Variants in RBFOX1 observed in about 807,000 individuals in gnomAD.
RBFOX1 encodes RNA binding protein fox-1 homolog 1.
A neutral mutation model predicts 57.7 loss-of-function variants in RBFOX1; 8 were observed. The ratio of observed to expected loss-of-function variants is 0.14; its 90% CI spans 0.08 to 0.25. The LOEUF (loss-of-function observed/expected upper bound fraction) is 0.25. Ranked by LOEUF, RBFOX1 falls within the 10% of genes least tolerant of loss-of-function variation. The pLI is 1.00. For missense variants in RBFOX1, 611 were observed against 548.5 expected, an observed-to-expected ratio of 1.11 and a Z score of -1.14; for synonymous variants, 326 against 222.4, an observed-to-expected ratio of 1.47 and a Z score of -4.15.
In RBFOX1 at chr16:6,921,645, ATTT is replaced by A. The variant is rs372298051; in HGVS notation, c.-15-130403_-15-130401del. ...TTACTGTATATATATATATATATAT[ATTT>A]TTTTTTTTCTTAGGGTTGCTTTCAA... On this transcript the variant is annotated intron_variant, in intron 3 of 15. Coordinates refer to ENST00000550418, the MANE Select transcript of RBFOX1 (RefSeq NM_018723.4). Among the ~76,000 whole-genome samples, 3 of 55,268 alleles carry A rather than the reference ATTT, an allele frequency of 5.4e-5. No individual in the cohort carries two copies. In the South Asian group the frequency reaches 1.8e-3, roughly 33 times the overall value. 36.3% of individuals were successfully genotyped at this position (55,268 alleles called of 152,430 possible).
intron 1 of RBFOX1, among the ~76,000 whole-genome samples, chr16:6,039,809 C>G (rs1396250243): frequency 6.6e-6 from 1 of 152,200 alleles, no homozygotes; most frequent in Non-Finnish European, 1.5e-5. Context: ...GAGGTCTCTC[C>G]TGATGTTGCA....
At chr16:6,496,463 G>A (rs1335965930) in intron 2 of RBFOX1, among the ~76,000 whole-genome samples, 2 of 152,142 alleles carry the variant, frequency 1.3e-5, no homozygotes, top group African/African-American at 2.4e-5. Flanking sequence ...ACTTTTAATA[G>A]CCGTGTTGTG....
intron 5 of RBFOX1, among the ~76,000 whole-genome samples, chr16:7,569,533 C>A (rs887487969): frequency 2.0e-5 from 3 of 152,210 alleles, no homozygotes; most frequent in Non-Finnish European, 4.4e-5. Flanking sequence ...AGGGCCCACA[C>A]AGGTAATCCA....
intron 3 of RBFOX1, among the ~76,000 whole-genome samples, chr16:6,951,491 G>T (rs1055453815): frequency 2.0e-5 from 3 of 152,118 alleles, no homozygotes; most frequent in Admixed American, 6.5e-5. Context: ...TGAGTCTGGG[G>T]TGGTTTTTTA....
chr16:5,554,603 C>G (rs956298443), intron 2 of RBFOX1, among the ~76,000 whole-genome samples: 1 of 152,046 alleles, frequency 6.6e-6, no homozygotes, highest in Non-Finnish European at 1.5e-5. Flanking sequence ...CAATGTCCAT[C>G]TTGGGGCCAA....
intron 2 of RBFOX1, among the ~76,000 whole-genome samples, chr16:6,471,937 CA>C (rs2095184528): frequency 6.6e-6 from 1 of 152,192 alleles, no homozygotes; most frequent in South Asian, 2.1e-4. Flanking sequence ...GCCAAGGCAA[CA>C]ACTTCCCCCG....
intron 3 of RBFOX1, among the ~76,000 whole-genome samples, chr16:6,696,589 T>C (rs1312067043): frequency 1.3e-5 from 2 of 152,222 alleles, no homozygotes; most frequent in Non-Finnish European, 2.9e-5. Flanking sequence ...AGCTTTCTCA[T>C]TCATAAATGA....
At chr16:5,863,253 A>C (rs2057268113) in intron 3 of RBFOX1, among the ~76,000 whole-genome samples, 1 of 152,216 alleles carries the variant, frequency 6.6e-6, no homozygotes, top group Non-Finnish European at 1.5e-5. Flanking sequence ...GAAATGATTA[A>C]AGGGATGGGA....
intron 2 of RBFOX1, among the ~76,000 whole-genome samples, chr16:5,544,320 T>C (rs1479338611): frequency 5.9e-5 from 9 of 152,180 alleles, no homozygotes. Flanking sequence ...ACATGTTAAG[T>C]AACTCATGCA....
chr16:5,714,778 A>T (rs984823068), intron 3 of RBFOX1, among the ~76,000 whole-genome samples: 2 of 152,240 alleles, frequency 1.3e-5, no homozygotes, highest in Non-Finnish European at 1.5e-5. Flanking sequence ...CACTATAATC[A>T]TATCAGCCTC....
chr16:7,249,249 C>T (rs940874591), intron 4 of RBFOX1, among the ~76,000 whole-genome samples: 3 of 152,042 alleles, frequency 2.0e-5, no homozygotes, highest in South Asian at 2.1e-4. Context: ...CCTCTTTTTT[C>T]CCTTCTCTTC....
chr16:6,579,355 C>T (rs987409022), intron 2 of RBFOX1, among the ~76,000 whole-genome samples: 71 of 152,136 alleles, frequency 4.7e-4, no homozygotes, highest in African/African-American at 1.6e-3. Context: ...ATGCATGCAC[C>T]ACCACACCTG....
intron 2 of RBFOX1, among the ~76,000 whole-genome samples, chr16:6,386,492 G>C (rs1372994999): frequency 2.0e-5 from 3 of 152,100 alleles, no homozygotes; most frequent in Non-Finnish European, 2.9e-5. Flanking sequence ...CCGATGCTGG[G>C]GATACACCAA....
chr16:5,455,003 CTT>C (rs2068581245), intron 1 of RBFOX1, among the ~76,000 whole-genome samples: 1 of 106,930 alleles, frequency 9.4e-6, no homozygotes, highest in Non-Finnish European at 2.0e-5. Flanking sequence ...TTCTTTCTTT[CTT>C]TCTTTCTTTC....
intron 1 of RBFOX1, among the ~76,000 whole-genome samples, chr16:6,192,365 G>A (rs2097147359): frequency 6.6e-6 from 1 of 152,044 alleles, no homozygotes; most frequent in Non-Finnish European, 1.5e-5. Flanking sequence ...TGAAGGAACG[G>A]CAGATAAGAT....
At chr16:7,572,713 C>G (rs911355080) in intron 5 of RBFOX1, among the ~76,000 whole-genome samples, 1 of 152,090 alleles carries the variant, frequency 6.6e-6, no homozygotes, top group African/African-American at 2.4e-5. Flanking sequence ...GTGGCTGGCG[C>G]CTGTAGTCAC....
At chr16:5,892,625 C>T (rs954488832) in intron 4 of RBFOX1, among the ~76,000 whole-genome samples, 2 of 152,252 alleles carry the variant, frequency 1.3e-5, no homozygotes, top group South Asian at 2.1e-4. Context: ...TGGAATGCAT[C>T]GCGGAATCTT....
intron 3 of RBFOX1, among the ~76,000 whole-genome samples, chr16:6,956,972 G>A (rs990550872): frequency 1.3e-5 from 2 of 152,054 alleles, no homozygotes; most frequent in Non-Finnish European, 2.9e-5. Context: ...AAAGAATTCA[G>A]GGCAAGTCTG....
At chr16:6,093,099 C>A (rs1045250223) in intron 1 of RBFOX1, 1 of 152,162 alleles carries the variant, frequency 6.6e-6, no homozygotes, top group East Asian at 1.9e-4. Context: ...TTGTTTGCTT[C>A]ATTTTGCAAG....
Sources: allele counts gnomAD v4.1 joint callset (sites outside exome capture counted in the v4.1 genomes callset), GRCh38; gene constraint gnomAD v4.1.1; transcripts MANE v1.5; gene names NCBI Gene and HGNC (gene_info 2026-07-23, HGNC 2026-07-21).